SHC4: variants seen among roughly 807,000 people sequenced by gnomAD.
The protein encoded by SHC4 is SHC-transforming protein 4.
A neutral mutation model predicts 69.4 loss-of-function variants in SHC4; 41 were observed. The observed-to-expected ratio is 0.59, with a 90% CI of 0.46 to 0.77. The LOEUF (loss-of-function observed/expected upper bound fraction) is 0.77. Ranked by LOEUF, SHC4 falls within the 30% of genes least tolerant of loss-of-function variation. SHC4 has a pLI of 0.00. For synonymous variants in SHC4, 318 were observed against 299.3 expected (o/e 1.06, Z -0.64); for missense variants, 777 against 783.8 (o/e 0.99, Z 0.10).
At chr15:48,923,089 C>A (rs190615045) in intron 2 of SHC4, among the ~76,000 whole-genome samples, 27 of 152,192 alleles carry the variant, frequency 1.8e-4, no homozygotes, top group African/African-American at 6.3e-4. Context: ...ATGTTTGATT[C>A]CAGAGGAAAT....
At chr15:48,847,022 CT>C (rs373671986) in intron 9 of SHC4, among the ~76,000 whole-genome samples, 8,585 of 145,334 alleles carry the variant, frequency 0.059, 284 homozygotes, top group African/African-American at 0.067. Context: ...CTGCCATCCC[CT>C]TTTTTTTTTT....
intron 6 of SHC4, among the ~76,000 whole-genome samples, chr15:48,859,656 T>C (rs1432871303): frequency 6.6e-6 from 1 of 152,204 alleles, no homozygotes; most frequent in Non-Finnish European, 1.5e-5. Context: ...CTCTGAATCA[T>C]ATGAATAGTG....
chr15:48,901,901 A>C (rs1185640879), intron 2 of SHC4, among the ~76,000 whole-genome samples: 1 of 152,174 alleles, frequency 6.6e-6, no homozygotes, highest in Non-Finnish European at 1.5e-5. Context: ...ATGGCTATCT[A>C]CTTTAAGAAC....
At chr15:48,897,284 G>A (rs1900240265) in intron 2 of SHC4, among the ~76,000 whole-genome samples, 1 of 152,168 alleles carries the variant, frequency 6.6e-6, no homozygotes, top group South Asian at 2.1e-4. Context: ...GTGGGCTGAT[G>A]TAAGAGAATG....
At position 48,826,868 on chromosome 15, in the gene SHC4, T is replaced by A. The variant is rs186366882; in HGVS notation, c.1738-742A>T. On this transcript the variant is annotated intron_variant, in intron 11 of 11. Transcript: ENST00000332408. The stretch of plus-strand genomic sequence containing the variant: ...TTCCTGTCTTCTCCAAGAAGCCTCC[T>A]CAGACCTTTCTAATAGGCATTCATG... 6.6e-4 allele frequency among the ~76,000 whole-genome samples: 100 copies of A among 152,350 alleles called. 2 individuals carry two copies. Among genetic ancestry groups the A allele is most frequent in the Admixed American group, 6.5e-3 (100 of 15,302 alleles).
At chr15:48,925,786 G>C (rs2141025207) in intron 1 of SHC4, among the ~76,000 whole-genome samples, 1 of 152,290 alleles carries the variant, frequency 6.6e-6, no homozygotes, top group East Asian at 1.9e-4. Context: ...TTAATGGTGA[G>C]GGAATAAGTT....
At chr15:48,918,736 GTTATTTGAAACA>G (rs1212820837) in intron 2 of SHC4, among the ~76,000 whole-genome samples, 3 of 152,134 alleles carry the variant, frequency 2.0e-5, no homozygotes, top group Non-Finnish European at 4.4e-5. Context: ...CATACAAAAC[GTTATTTGAAACA>G]CCAAGGAATT....
intron 6 of SHC4, among the ~76,000 whole-genome samples, chr15:48,862,420 A>G (rs552074140): frequency 6.6e-6 from 1 of 152,322 alleles, no homozygotes; most frequent in South Asian, 2.1e-4. Context: ...TTCTTACTGG[A>G]ACTTAACCTT....
chr15:48,840,092 A>G (rs1447684985), intron 10 of SHC4, among the ~76,000 whole-genome samples: 1 of 152,210 alleles, frequency 6.6e-6, no homozygotes, highest in African/African-American at 2.4e-5. Flanking sequence ...TGCAAATGTG[A>G]TGATGAGGGC....
chr15:48,908,637 T>C (rs1188954590), intron 2 of SHC4, among the ~76,000 whole-genome samples: 1 of 152,188 alleles, frequency 6.6e-6, no homozygotes, highest in Non-Finnish European at 1.5e-5. Flanking sequence ...AGCCAAAGTT[T>C]AGAAGAGTTT....
intron 11 of SHC4, among the ~76,000 whole-genome samples, chr15:48,829,906 G>A (rs530904318): frequency 5.9e-5 from 9 of 152,294 alleles, no homozygotes; most frequent in Admixed American, 2.0e-4. Context: ...GCAATAGAGC[G>A]AGACTCCGTC....
intron 8 of SHC4, among the ~76,000 whole-genome samples, chr15:48,854,834 G>A (rs1290159686): frequency 2.0e-5 from 3 of 152,102 alleles, no homozygotes; most frequent in Admixed American, 6.6e-5. Flanking sequence ...GAGGGAAAGA[G>A]GGGGGCAAAG....
intron 1 of SHC4, among the ~76,000 whole-genome samples, chr15:48,927,656 C>T (rs1900877948): frequency 6.6e-6 from 1 of 152,164 alleles, no homozygotes; most frequent in Non-Finnish European, 1.5e-5. Flanking sequence ...TCACTGTCCC[C>T]TTACACACTT....
chr15:48,936,817 A>G (rs1901080094), intron 1 of SHC4, among the ~76,000 whole-genome samples: 1 of 152,234 alleles, frequency 6.6e-6, no homozygotes, highest in Non-Finnish European at 1.5e-5. Flanking sequence ...AAAGTATGAC[A>G]ACCATCTGCA....
At chr15:48,840,734 C>T (rs1277821759) in intron 10 of SHC4, among the ~76,000 whole-genome samples, 1 of 152,138 alleles carries the variant, frequency 6.6e-6, no homozygotes, top group African/African-American at 2.4e-5. Context: ...CTTAAATCAA[C>T]ATAATTTAAG....
At chr15:48,921,335 T>TG (rs971734363) in intron 2 of SHC4, among the ~76,000 whole-genome samples, 6 of 151,460 alleles carry the variant, frequency 4.0e-5, no homozygotes, top group East Asian at 1.9e-4. Flanking sequence ...GTTATCGTTT[T>TG]TTTTTTTTTT....
chr15:48,826,689 C>T (rs1184619408), intron 11 of SHC4, among the ~76,000 whole-genome samples: 1 of 152,152 alleles, frequency 6.6e-6, no homozygotes, highest in Non-Finnish European at 1.5e-5. Flanking sequence ...ATGTCACTAT[C>T]TCTATAACTA....
intron 1 of SHC4, among the ~76,000 whole-genome samples, chr15:48,927,030 TG>T (rs989234293): frequency 8.5e-5 from 13 of 152,090 alleles, no homozygotes; most frequent in Non-Finnish European, 1.6e-4. Context: ...TCCCAAGCCT[TG>T]GGTACCTTAA....
chr15:48,904,135 T>C (rs1036132581), intron 2 of SHC4, among the ~76,000 whole-genome samples: 8 of 152,206 alleles, frequency 5.3e-5, no homozygotes, highest in African/African-American at 1.7e-4. Flanking sequence ...TTCCTTATTC[T>C]GACCCTTCTG....
Sources: gnomAD v4.1 joint callset for allele counts (sites outside exome capture counted in the v4.1 genomes callset) on GRCh38, gnomAD v4.1.1 for gene constraint, MANE v1.5 for transcripts, NCBI Gene and HGNC (gene_info 2026-07-23, HGNC 2026-07-21) for gene names.